Variants in ABCB1 observed in about 807,000 individuals in gnomAD.
ABCB1 encodes ATP binding cassette subfamily B member 1.
ABCB1 carries 69 observed loss-of-function variants against 142.0 expected under a neutral mutation model. The ratio of observed to expected loss-of-function variants is 0.49; its 90% CI spans 0.40 to 0.59. The LOEUF (loss-of-function observed/expected upper bound fraction) is 0.59, where lower values mean the gene tolerates loss of function less well. Ranked by LOEUF, ABCB1 falls within the 20% of genes least tolerant of loss-of-function variation. The pLI, the probability that ABCB1 is intolerant of heterozygous loss-of-function variation, is 0.00. For missense variants in ABCB1, 1,326 were observed against 1,554.7 expected, an observed-to-expected ratio of 0.85 and a Z score of 2.47; for synonymous variants, 532 against 539.2, an observed-to-expected ratio of 0.99 and a Z score of 0.18.
chr7:87,545,884 G>C lies in ABCB1; in HGVS notation c.1866C>G (p.Tyr622Ter). Residue 622 changes from tyrosine (Y) to a stop codon, truncating the protein, a stop_gained, in exon 15 of 28, where the codon TAC becomes TAG. Coordinates refer to ENST00000622132, the MANE Select transcript of ABCB1 (RefSeq NM_001348946.2). LOFTEE classifies it high-confidence loss of function. ...ATACCTGCATTGTGACAAGTTTGAA[G>C]TAAATGCCTTTCTCTTTCATGAGTT... The part of the protein sequence containing the change: ...HDELMKEKGI[Y>*]FKLVTMQTAG... 1 of 1,614,166 alleles carries C rather than the reference G, an allele frequency of 6.2e-7. No individual in the cohort carries two copies. The highest frequency in any genetic ancestry group is 8.5e-7 in the Non-Finnish European group (1 of 1,180,018).
intron 26 of ABCB1, among the ~76,000 whole-genome samples, chr7:87,506,846 G>A (rs1338353578): frequency 6.6e-6 from 1 of 152,170 alleles, no homozygotes; most frequent in Admixed American, 6.5e-5. Flanking sequence ...CCCTAGTTTT[G>A]TGGCACTCAG....
intron 1 of ABCB1, among the ~76,000 whole-genome samples, chr7:87,624,600 T>C (rs1008433147): frequency 6.6e-6 from 1 of 152,186 alleles, no homozygotes; most frequent in African/African-American, 2.4e-5. Context: ...TGACTCTTTG[T>C]AAAATCTTTG....
At chr7:87,564,007 CTAT>C (rs1346040130) in intron 7 of ABCB1, 2 of 290,700 alleles carry the variant, frequency 6.9e-6, no homozygotes, top group Non-Finnish European at 1.3e-5. Context: ...ACACTGGGGC[CTAT>C]TAGAGGGTGG....
At chr7:87,622,686 G>A (rs949704902) in intron 1 of ABCB1, among the ~76,000 whole-genome samples, 4 of 152,092 alleles carry the variant, frequency 2.6e-5, no homozygotes, top group Non-Finnish European at 5.9e-5. Context: ...TTGTGTTTAA[G>A]CCTTATCTGG....
intron 25 of ABCB1, among the ~76,000 whole-genome samples, chr7:87,511,330 T>A (rs2117073527): frequency 6.6e-6 from 1 of 152,174 alleles, no homozygotes; most frequent in African/African-American, 2.4e-5. Context: ...CTGGCCTAAA[T>A]AAAAATATAA....
At chr7:87,651,065 T>C (rs1823522496) in intron 1 of ABCB1, 2 of 606,524 alleles carry the variant, frequency 3.3e-6, no homozygotes, top group South Asian at 4.1e-5. Flanking sequence ...TCAAATCTTT[T>C]GGCCTGTGTG....
intron 4 of ABCB1, among the ~76,000 whole-genome samples, chr7:87,571,341 C>T (rs1299782705): frequency 2.6e-5 from 4 of 152,090 alleles, no homozygotes; most frequent in African/African-American, 9.7e-5. Flanking sequence ...GAAAACAGAC[C>T]AGCAGTTGTT....
chr7:87,623,867 A>C (rs914552728), intron 1 of ABCB1, among the ~76,000 whole-genome samples: 1 of 152,138 alleles, frequency 6.6e-6, no homozygotes, highest in Non-Finnish European at 1.5e-5. Context: ...ATAAAACACC[A>C]ATGTCCCTCT....
chr7:87,585,400 C>T, intron 4 of ABCB1, 112 bp downstream of exon 4: 1 of 1,062,622 alleles, frequency 9.4e-7, no homozygotes, highest in Non-Finnish European at 1.4e-6. Flanking sequence ...TGTCTGCCTC[C>T]TACAGGACTA....
intron 1 of ABCB1, among the ~76,000 whole-genome samples, chr7:87,684,638 C>T (rs750159351): frequency 1.0e-4 from 15 of 149,026 alleles, no homozygotes; most frequent in Admixed American, 6.1e-4. Flanking sequence ...GCCCCAGCTA[C>T]GCAGGAGGCT....
chr7:87,626,774 C>CAG lies in ABCB1; in HGVS notation c.-330-25698_-330-25697dup, dbSNP rs757569014. Among the ~76,000 whole-genome samples the CAG allele has an allele frequency of 2.1e-3, 254 of 119,378 alleles. 16 individuals are homozygous for CAG. Among genetic ancestry groups the CAG allele is most frequent in the African/African-American group, 6.1e-3 (181 of 29,562 alleles). 78.3% of individuals were successfully genotyped at this position (119,378 alleles called of 152,430 possible). ...TGTCATATATATGTCATATATATGT[C>CAG]AGAGAGAGAGAGAGAGAGAGAGATG... On this transcript the variant is annotated intron_variant, in intron 1 of 28. Transcript: ENST00000265724.
chr7:87,521,477 C>T (rs763925460), intron 21 of ABCB1: 33 of 738,184 alleles, frequency 4.5e-5, no homozygotes, highest in Non-Finnish European at 7.0e-5. Flanking sequence ...AAGTCAGAGT[C>T]TCCTAATGAG....
At chr7:87,688,624 G>A (rs1827710151) in intron 1 of ABCB1, among the ~76,000 whole-genome samples, 1 of 151,714 alleles carries the variant, frequency 6.6e-6, no homozygotes, top group Admixed American at 6.6e-5. Flanking sequence ...CATGATTACT[G>A]TTGGTAGTTT....
In ABCB1 at chr7:87,558,406, G is replaced by A. The variant is rs114024872; in HGVS notation, c.827+2857C>T. ...ATGATAGGTACCCAGAGATCTTATT[G>A]TATTTTGTTAGCTTATAAAACCTAC... On this transcript the variant is annotated intron_variant, in intron 8 of 27. Transcript: ENST00000622132. Among the ~76,000 whole-genome samples, 940 of 152,208 alleles carry A rather than the reference G, an allele frequency of 6.2e-3. 15 individuals carry two copies. Among genetic ancestry groups the A allele is most frequent in the African/African-American group, 0.018 (728 of 41,554 alleles).
At chr7:87,521,015 A>G in intron 21 of ABCB1, 139 bp from the exon 22 acceptor site, 1 of 698,186 alleles carries the variant, frequency 1.4e-6, no homozygotes, top group South Asian at 1.6e-5. Flanking sequence ...TCTGTAGAAA[A>G]AGATACTAAG....
intron 8 of ABCB1, among the ~76,000 whole-genome samples, chr7:87,560,225 CA>C (rs1475797622): frequency 7.9e-5 from 12 of 152,138 alleles, no homozygotes; most frequent in Non-Finnish European, 5.9e-5. Flanking sequence ...AAAGCAAAAG[CA>C]AAGACTTTAG....
At chr7:87,560,841 T>G (rs1008363319) in intron 8 of ABCB1, among the ~76,000 whole-genome samples, 21 of 152,312 alleles carry the variant, frequency 1.4e-4, no homozygotes, top group African/African-American at 5.1e-4. Context: ...TAAGTGCTTT[T>G]TGGTTATATT....
intron 1 of ABCB1, among the ~76,000 whole-genome samples, chr7:87,700,233 A>G (rs1235922472): frequency 6.6e-6 from 1 of 152,148 alleles, no homozygotes; most frequent in Non-Finnish European, 1.5e-5. Context: ...AAATTTTCCA[A>G]ACTAACACCA....
At chr7:87,656,792 A>G (rs959057164) in intron 1 of ABCB1, among the ~76,000 whole-genome samples, 2 of 152,198 alleles carry the variant, frequency 1.3e-5, no homozygotes, top group Admixed American at 6.6e-5. Flanking sequence ...AAACTTATTT[A>G]TCCATCACTA....
Sources: gnomAD v4.1 joint callset for allele counts (sites outside exome capture counted in the v4.1 genomes callset) on GRCh38, gnomAD v4.1.1 for gene constraint, MANE v1.5 for transcripts, NCBI Gene and HGNC (gene_info 2026-07-23, HGNC 2026-07-21) for gene names.